The following OTOGL variants were observed in gnomAD, a reference collection of about 807,000 sequenced individuals.
The protein encoded by OTOGL is otogelin-like protein.
In OTOGL, 285 loss-of-function variants were observed where a neutral mutation model predicts 318.5. The observed-to-expected ratio is 0.89, with a 90% CI of 0.81 to 0.99. The LOEUF is 0.99. Ranked by LOEUF, OTOGL falls within the 50% of genes least tolerant of loss-of-function variation. The probability of loss-of-function intolerance (pLI) is 0.00; values close to 1 mark genes in which losing one functional copy is unlikely to be tolerated. For missense variants in OTOGL, 2,899 were observed against 2,845.6 expected (o/e 1.02, Z -0.43); for synonymous variants, 987 against 936.5 (o/e 1.05, Z -0.99).
intron 26 of OTOGL, among the ~76,000 whole-genome samples, chr12:80,282,388 G>A (rs1043661791): frequency 2.8e-4 from 42 of 151,910 alleles, no homozygotes; most frequent in African/African-American, 8.9e-4. Context: ...GAAGGTTCTT[G>A]CTTATGTTTT....
Position 80,258,101 on chromosome 12 carries a change from G to A in OTOGL, c.1889+99G>A, listed in dbSNP as rs149967771. 6.3e-4 allele frequency: 665 copies of A among 1,049,726 alleles called. 6 individuals carry two copies. In the African/African-American group the frequency reaches 9.9e-3, roughly 16 times the overall value. 65.0% of individuals were successfully genotyped at this position (1,049,726 alleles called of 1,614,324 possible). A position where few individuals can be genotyped will look rare whatever the true frequency, so the allele number is the denominator to read the frequency against. On this transcript the variant is annotated intron_variant, in intron 18 of 58. Coordinates refer to ENST00000547103, the MANE Select transcript of OTOGL (RefSeq NM_001378609.3). ...TTACTTAACTAATAATTGCTTAGCTGTCATTATCCCAAGAGATTTACATGG... is the reference window on the plus strand; with the variant it reads ...TTACTTAACTAATAATTGCTTAGCTATCATTATCCCAAGAGATTTACATGG...
Position 80,335,881 on chromosome 12 carries a change from G to T in OTOGL, c.4423-82G>T, listed in dbSNP as rs1888360106. On this transcript the variant is annotated intron_variant, in intron 38 of 58. Coordinates refer to ENST00000547103, the MANE Select transcript of OTOGL (RefSeq NM_001378609.3). ...TGTATTCAATAAATGTACACCATGG[G>T]CAATATGAATGTGGAATTTAAAAAT... 3.1e-5 allele frequency: 39 copies of T among 1,258,282 alleles called. No homozygotes were observed. In the South Asian group the frequency reaches 6.9e-4, roughly 22 times the overall value. 77.9% of individuals were successfully genotyped at this position (1,258,282 alleles called of 1,614,324 possible). A position where few individuals can be genotyped will look rare whatever the true frequency, so the allele number is the denominator to read the frequency against.
At chr12:80,148,122 T>C (rs1170223254) in intron 1 of OTOGL, among the ~76,000 whole-genome samples, 1 of 151,922 alleles carries the variant, frequency 6.6e-6, no homozygotes, top group Non-Finnish European at 1.5e-5. Context: ...ATTTTGCTCG[T>C]TAGTTGATGC....
intron 1 of OTOGL, among the ~76,000 whole-genome samples, chr12:80,198,528 G>A (rs1420138049): frequency 6.6e-6 from 1 of 152,128 alleles, no homozygotes; most frequent in East Asian, 1.9e-4. Context: ...AGGCTGCAGT[G>A]AGCCGAGATC....
intron 1 of OTOGL, among the ~76,000 whole-genome samples, chr12:80,203,528 G>T (rs1876601697): frequency 6.6e-6 from 1 of 152,180 alleles, no homozygotes; most frequent in Admixed American, 6.5e-5. Context: ...ACCAATCATA[G>T]TGAGGGTCAT....
chr12:80,200,829 T>A (rs1050828241), intron 1 of OTOGL, among the ~76,000 whole-genome samples: 6 of 152,140 alleles, frequency 3.9e-5, no homozygotes, highest in African/African-American at 1.4e-4. Flanking sequence ...TCATAGCAGG[T>A]AAGATGGACT....
intron 1 of OTOGL, among the ~76,000 whole-genome samples, chr12:80,201,197 G>C (rs533389140): frequency 2.0e-5 from 3 of 152,154 alleles, no homozygotes; most frequent in Non-Finnish European, 4.4e-5. Context: ...GTTGTTTCTG[G>C]TTGGAGTCTG....
chr12:80,124,679 G>A (rs1045903982), intron 1 of OTOGL, among the ~76,000 whole-genome samples: 5 of 152,162 alleles, frequency 3.3e-5, no homozygotes, highest in Admixed American at 3.3e-4. Flanking sequence ...AGCATAGAAT[G>A]TTCTTCCATT....
At chr12:80,317,903 T>C (rs1887073527) in intron 32 of OTOGL, among the ~76,000 whole-genome samples, 1 of 152,272 alleles carries the variant, frequency 6.6e-6, no homozygotes, top group African/African-American at 2.4e-5. Flanking sequence ...TTTCTATCTC[T>C]CTACAGGGTA....
intron 1 of OTOGL, among the ~76,000 whole-genome samples, chr12:80,147,813 C>G (rs1239137951): frequency 1.3e-5 from 2 of 151,900 alleles, no homozygotes; most frequent in African/African-American, 4.9e-5. Flanking sequence ...TATATAATGG[C>G]CTTGTTTGTC....
chr12:80,294,024 A>G (rs1289673501), intron 26 of OTOGL, among the ~76,000 whole-genome samples: 1 of 152,146 alleles, frequency 6.6e-6, no homozygotes. Flanking sequence ...ATTTTGGGGC[A>G]TATTCTGTAT....
chr12:80,362,926 A>G (rs564587437), intron 52 of OTOGL, among the ~76,000 whole-genome samples: 5 of 152,308 alleles, frequency 3.3e-5, no homozygotes, highest in South Asian at 2.1e-4. Flanking sequence ...ATAAAAATCT[A>G]TACAAATTGG....
intron 55 of OTOGL, among the ~76,000 whole-genome samples, chr12:80,369,347 G>A (rs888492567): frequency 6.6e-6 from 1 of 151,984 alleles, no homozygotes. Flanking sequence ...AATCCTTTAA[G>A]ATTATATCTA....
chr12:80,109,945 A>T (rs1398549348), intron 1 of OTOGL, among the ~76,000 whole-genome samples: 1 of 152,258 alleles, frequency 6.6e-6, no homozygotes, highest in East Asian at 1.9e-4. Context: ...TTTTTAAATT[A>T]TACCTTAAGT....
intron 11 of OTOGL, among the ~76,000 whole-genome samples, chr12:80,241,954 C>A (rs886473711): frequency 6.6e-6 from 1 of 152,018 alleles, no homozygotes; most frequent in Non-Finnish European, 1.5e-5. Flanking sequence ...AGAAAAAAAA[C>A]CAAAAGGACT....
intron 45 of OTOGL, 77 bp from the exon 46 acceptor site, chr12:80,353,248 C>A (rs572004565): frequency 7.2e-5 from 82 of 1,136,104 alleles, no homozygotes; most frequent in Middle Eastern, 4.3e-4. Context: ...TAAAAGAAAT[C>A]TGACATTTCT....
At chr12:80,275,559 G>C (rs1883738466) in intron 24 of OTOGL, among the ~76,000 whole-genome samples, 1 of 151,932 alleles carries the variant, frequency 6.6e-6, no homozygotes, top group Non-Finnish European at 1.5e-5. Context: ...AAACTTAGTT[G>C]ATAAAGCAGT....
rs554356486 is a variant in OTOGL at position 80,336,393 on chromosome 12, A to G, written c.4601-20A>G. The stretch of plus-strand genomic sequence containing the variant: ...TGCAGATAGTTAATAGACTAAATCC[A>G]CTTTCCACCATTTTTATAGGTCGGT... On this transcript the variant is annotated intron_variant, in intron 39 of 58. Coordinates refer to ENST00000547103, the MANE Select transcript of OTOGL (RefSeq NM_001378609.3). The G allele has an allele frequency of 4.5e-6, 7 of 1,569,360 alleles. No homozygotes were observed. The African/African-American group carries it at 9.6e-5, about 21-fold the overall frequency.
At chr12:80,161,519 T>TTAA (rs1296601713) in intron 1 of OTOGL, among the ~76,000 whole-genome samples, 2 of 152,058 alleles carry the variant, frequency 1.3e-5, no homozygotes, top group African/African-American at 4.8e-5. Flanking sequence ...ACAGGCTGCT[T>TTAA]TAATAGAATG....
Sources: gnomAD v4.1 joint callset for allele counts (sites outside exome capture counted in the v4.1 genomes callset) on GRCh38, gnomAD v4.1.1 for gene constraint, MANE v1.5 for transcripts, NCBI Gene and HGNC (gene_info 2026-07-23, HGNC 2026-07-21) for gene names.